SH3GL2: variants seen among roughly 807,000 people sequenced by gnomAD.
SH3GL2 encodes the protein endophilin-A1.
Under a neutral mutation model 46.0 loss-of-function variants are expected in SH3GL2, and 24 were observed. The ratio of observed to expected loss-of-function variants is 0.52; its 90% CI spans 0.38 to 0.73. SH3GL2 has a LOEUF of 0.73. Ranked by LOEUF, SH3GL2 falls within the 30% of genes least tolerant of loss-of-function variation. The pLI is 0.00. For synonymous variants in SH3GL2, 196 were observed against 147.1 expected, an observed-to-expected ratio of 1.33 and a Z score of -2.40; for missense variants, 413 against 424.2, an observed-to-expected ratio of 0.97 and a Z score of 0.23.
At chr9:17,654,461 G>A (rs1316629548) in intron 1 of SH3GL2, among the ~76,000 whole-genome samples, 1 of 152,168 alleles carries the variant, frequency 6.6e-6, no homozygotes, top group Non-Finnish European at 1.5e-5. Context: ...AATCCTGCCT[G>A]TTGGCTAGAC....
chr9:17,763,362 G>T (rs139970579), intron 3 of SH3GL2, among the ~76,000 whole-genome samples: 1 of 152,162 alleles, frequency 6.6e-6, no homozygotes, highest in Non-Finnish European at 1.5e-5. Flanking sequence ...GCAGATGTAA[G>T]TAGTGATGTA....
chr9:17,769,795 G>A lies in SH3GL2; in HGVS notation c.187+8286G>A, dbSNP rs537802842. Among the ~76,000 whole-genome samples, 7 of 152,232 alleles carry A rather than the reference G, an allele frequency of 4.6e-5. No individual in the cohort carries two copies. In the East Asian group the frequency reaches 1.2e-3, roughly 25 times the overall value. On this transcript the variant is annotated intron_variant, in intron 3 of 8. Transcript: ENST00000380607. ...TTTCTCATATAGAACGTAATCTCCA[G>A]AAGGGTAGAATCTTGTCTGTCTTAT... is the stretch of plus-strand genomic sequence containing the variant.
intron 3 of SH3GL2, among the ~76,000 whole-genome samples, chr9:17,774,901 C>T (rs1335823450): frequency 1.4e-5 from 2 of 144,402 alleles, no homozygotes; most frequent in Non-Finnish European, 3.2e-5. Context: ...CTGGTGAAGC[C>T]ATCAGATCCT....
At chr9:17,603,497 C>T (rs902488672) in intron 1 of SH3GL2, among the ~76,000 whole-genome samples, 13 of 152,010 alleles carry the variant, frequency 8.6e-5, no homozygotes, top group African/African-American at 2.2e-4. Flanking sequence ...AGTTGTGTAA[C>T]GGGTACAGAG....
intron 3 of SH3GL2, among the ~76,000 whole-genome samples, chr9:17,768,357 C>T (rs1160182613): frequency 8.8e-5 from 10 of 113,306 alleles, no homozygotes; most frequent in East Asian, 5.4e-4. Flanking sequence ...GGCGACAGAG[C>T]GGGACTCTGT....
intron 1 of SH3GL2, among the ~76,000 whole-genome samples, chr9:17,672,084 A>T (rs1563805885): frequency 6.6e-6 from 1 of 152,182 alleles, no homozygotes; most frequent in Non-Finnish European, 1.5e-5. Context: ...TCTGGAACTC[A>T]ATGTTTTGTT....
At chr9:17,617,198 T>G (rs1196587346) in intron 1 of SH3GL2, among the ~76,000 whole-genome samples, 2 of 152,242 alleles carry the variant, frequency 1.3e-5, no homozygotes, top group Non-Finnish European at 2.9e-5. Context: ...ATGATGTATT[T>G]AAGGAATATG....
At chr9:17,729,742 G>C (rs762287899) in intron 1 of SH3GL2, among the ~76,000 whole-genome samples, 1 of 152,110 alleles carries the variant, frequency 6.6e-6, no homozygotes, top group African/African-American at 2.4e-5. Flanking sequence ...GCTTGTTTTT[G>C]TCAGGTTTGT....
intron 5 of SH3GL2, among the ~76,000 whole-genome samples, chr9:17,787,774 T>C (rs1824002396): frequency 6.6e-6 from 1 of 152,168 alleles, no homozygotes; most frequent in Non-Finnish European, 1.5e-5. Flanking sequence ...TTTCAGACTT[T>C]TTCTCCAGAG....
intron 7 of SH3GL2, among the ~76,000 whole-genome samples, chr9:17,792,768 C>G (rs557752684): frequency 1.4e-4 from 21 of 152,266 alleles, no homozygotes; most frequent in Non-Finnish European, 2.6e-4. Flanking sequence ...TAGACTCCTT[C>G]CCACCTTCAC....
chr9:17,727,533 G>T (rs1236315026), intron 1 of SH3GL2, among the ~76,000 whole-genome samples: 1 of 152,142 alleles, frequency 6.6e-6, no homozygotes, highest in Non-Finnish European at 1.5e-5. Context: ...TTGGTAGACA[G>T]CTCCCTGAAG....
intron 4 of SH3GL2, among the ~76,000 whole-genome samples, chr9:17,786,864 A>G (rs1823973532): frequency 6.6e-6 from 1 of 152,090 alleles, no homozygotes; most frequent in Non-Finnish European, 1.5e-5. Context: ...GCATGATTCA[A>G]AGCCCTCCCT....
intron 1 of SH3GL2, among the ~76,000 whole-genome samples, chr9:17,646,177 T>C (rs1222130634): frequency 1.3e-5 from 2 of 151,900 alleles, no homozygotes; most frequent in African/African-American, 2.4e-5. Flanking sequence ...CTATTGATGC[T>C]TGTGTATGCT....
In SH3GL2 at chr9:17,795,672, G is replaced by A; in HGVS notation, c.988G>A (p.Gly330Arg). The A allele has an allele frequency of 6.2e-7, 1 of 1,614,042 alleles. No homozygotes were observed. Among genetic ancestry groups the A allele is most frequent in the Non-Finnish European group, 8.5e-7 (1 of 1,179,950 alleles). The change falls in exon 9 of 9, where the codon GGG becomes AGG. Residue 330 changes from glycine (G) to arginine (R), a missense_variant. Physicochemically the swap from Gly to Arg is moderately radical, Grantham distance 125. Around this residue, in one of 3 missense-constraint regions of SH3GL2, gnomAD observed 248 missense variants for 215.0 expected, o/e 1.15. Transcript: ENST00000380607. ...TNQIDENWYE[G>R]MLHGHSGFFP... Reference sequence around the variant, plus strand: ...CCAAATTGATGAGAACTGGTATGAGGGGATGCTGCATGGCCATTCAGGCTT... The same window carrying A: ...CCAAATTGATGAGAACTGGTATGAGAGGATGCTGCATGGCCATTCAGGCTT...
intron 1 of SH3GL2, among the ~76,000 whole-genome samples, chr9:17,666,570 G>A (rs1820347163): frequency 1.4e-5 from 2 of 138,852 alleles, no homozygotes; most frequent in African/African-American, 5.4e-5. Flanking sequence ...GTGTGTGTGT[G>A]TGTGTGTGTA....
intron 3 of SH3GL2, among the ~76,000 whole-genome samples, chr9:17,763,436 A>G (rs62549705): frequency 6.6e-6 from 1 of 152,138 alleles, no homozygotes; most frequent in Admixed American, 6.5e-5. Flanking sequence ...GGGTGTCCTT[A>G]TGAGAAGAGG....
chr9:17,758,929 G>T (rs1273131530), intron 2 of SH3GL2, among the ~76,000 whole-genome samples: 1 of 152,122 alleles, frequency 6.6e-6, no homozygotes, highest in African/African-American at 2.4e-5. Context: ...TTTTAAGATG[G>T]AGTCCTGCCC....
chr9:17,660,767 G>A (rs796305437), intron 1 of SH3GL2, among the ~76,000 whole-genome samples: 48 of 152,152 alleles, frequency 3.2e-4, no homozygotes, highest in African/African-American at 1.0e-3. Context: ...ATAACCACAC[G>A]CAAACTTCCA....
chr9:17,667,402 C>G (rs558266096), intron 1 of SH3GL2, among the ~76,000 whole-genome samples: 44 of 152,234 alleles, frequency 2.9e-4, no homozygotes, highest in African/African-American at 1.0e-3. Context: ...TGACAGTCAC[C>G]ATACTTTCAG....
Sources: allele counts gnomAD v4.1 joint callset (sites outside exome capture counted in the v4.1 genomes callset), GRCh38; gene constraint gnomAD v4.1.1; regional missense constraint gnomAD v4.1.1; transcripts MANE v1.5; gene names NCBI Gene and HGNC (gene_info 2026-07-23, HGNC 2026-07-21).